Variants in LAMA2 observed in about 807,000 individuals in gnomAD.
LAMA2 encodes laminin subunit alpha 2, also known as laminin subunit alpha-2.
A neutral mutation model predicts 364.8 loss-of-function variants in LAMA2; 269 were observed. The observed-to-expected ratio is 0.74, with a 90% CI of 0.67 to 0.82. LAMA2 has a LOEUF of 0.82. LAMA2 is among the 40% of genes least tolerant of loss of function. The pLI is 0.00. For missense variants in LAMA2, 3,807 were observed against 3,873.2 expected, an observed-to-expected ratio of 0.98 and a Z score of 0.45; for synonymous variants, 1,379 against 1,370.6, an observed-to-expected ratio of 1.01 and a Z score of -0.14.
chr6:128,996,066 A>C (rs1783921219), intron 1 of LAMA2, among the ~76,000 whole-genome samples: 1 of 152,236 alleles, frequency 6.6e-6, no homozygotes, highest in South Asian at 2.1e-4. Context: ...GGAGGCAGAC[A>C]GTAACTAAAC....
Position 128,904,713 on chromosome 6 carries a change from T to C in LAMA2, c.112+21356T>C, listed in dbSNP as rs547077891. On this transcript the variant is annotated intron_variant, in intron 1 of 64. Transcript: ENST00000421865. The stretch of plus-strand genomic sequence containing the variant: ...ACCTTGTGATCTGCCTGCCTTGGCC[T>C]CCCAAAGTTCTGGGATTACAGGTGT... 2.4e-4 allele frequency among the ~76,000 whole-genome samples: 36 copies of C among 152,278 alleles called. No individual in the cohort carries two copies. The South Asian group carries it at 7.5e-3, about 32-fold the overall frequency.
Position 128,928,501 on chromosome 6 carries a change from T to C in LAMA2, c.112+45144T>C, listed in dbSNP as rs140731631. Among the ~76,000 whole-genome samples, 1,228 of 152,298 alleles carry C rather than the reference T, an allele frequency of 8.1e-3. 14 individuals carry two copies. The highest frequency in any genetic ancestry group is 0.027 in the African/African-American group (1,127 of 41,558). ...AATCCAAAGGTATGACAAAGACGACTCAGCTCTATGTTGCTTAAAGAACTT... is the reference window on the plus strand; with the variant it reads ...AATCCAAAGGTATGACAAAGACGACCCAGCTCTATGTTGCTTAAAGAACTT... On this transcript the variant is annotated intron_variant, in intron 1 of 64. Coordinates refer to ENST00000421865, the MANE Select transcript of LAMA2 (RefSeq NM_000426.4).
chr6:128,911,156 G>C (rs1777904852), intron 1 of LAMA2, among the ~76,000 whole-genome samples: 5 of 151,490 alleles, frequency 3.3e-5, no homozygotes, highest in South Asian at 2.1e-4. Flanking sequence ...GAGCTGTGGT[G>C]GGCTACACCC....
rs752992990 is a variant in LAMA2, at chr6:129,098,297, C to T, written c.521C>T (p.Thr174Met). 38 of 1,613,956 alleles carry T rather than the reference C, an allele frequency of 2.4e-5. No homozygotes were observed. Among genetic ancestry groups the T allele is most frequent in the East Asian group, 1.6e-4 (7 of 44,880 alleles). The change falls in exon 4 of 65, where the codon ACG (threonine) becomes ATG (methionine). Residue 174 changes from threonine (T) to methionine (M), a missense_variant. Coordinates refer to ENST00000421865, the MANE Select transcript of LAMA2 (RefSeq NM_000426.4). ...TGGCAGTATCATGCTGTGACAGACACGGAGTGCCTAACGCTTTACAATATT... is the reference window on the plus strand; with the variant it reads ...TGGCAGTATCATGCTGTGACAGACATGGAGTGCCTAACGCTTTACAATATT... ...KPWQYHAVTD[T>M]ECLTLYNIYP...
At chr6:129,164,228 CA>C (rs1380124008) in intron 8 of LAMA2, among the ~76,000 whole-genome samples, 1 of 152,178 alleles carries the variant, frequency 6.6e-6, no homozygotes, top group African/African-American at 2.4e-5. Context: ...AGTGTCTATA[CA>C]GCATAGATAT....
intron 28 of LAMA2, 80 bp from the exon 29 acceptor site, chr6:129,328,196 CTT>C (rs1775416426): frequency 3.2e-6 from 4 of 1,258,024 alleles, no homozygotes; most frequent in Non-Finnish European, 4.6e-6. Context: ...GCCAGTCTGT[CTT>C]TGCAGCCACT....
intron 40 of LAMA2, among the ~76,000 whole-genome samples, chr6:129,413,003 A>G (rs570711559): frequency 1.1e-4 from 16 of 152,346 alleles, no homozygotes; most frequent in African/African-American, 3.8e-4. Flanking sequence ...ACAGGTTACT[A>G]TGATTTTCAT....
At chr6:129,166,907 A>G (rs1779776135) in intron 9 of LAMA2, among the ~76,000 whole-genome samples, 2 of 152,188 alleles carry the variant, frequency 1.3e-5, no homozygotes, top group South Asian at 4.1e-4. Context: ...ACACATTATT[A>G]TATGGTCGTG....
chr6:128,955,101 G>A (rs1781063535), intron 1 of LAMA2, among the ~76,000 whole-genome samples: 1 of 151,688 alleles, frequency 6.6e-6, no homozygotes, highest in Admixed American at 6.6e-5. Flanking sequence ...CTATAAAGAG[G>A]AAAAATTCAA....
chr6:129,248,910 T>A (rs1309056418), intron 12 of LAMA2, among the ~76,000 whole-genome samples: 2 of 152,190 alleles, frequency 1.3e-5, no homozygotes, highest in Non-Finnish European at 2.9e-5. Flanking sequence ...AGATATTTAT[T>A]ATTTTATATG....
At chr6:129,260,563 C>G (rs1357458170) in intron 14 of LAMA2, 148 bp from the exon 15 acceptor site, 1 of 692,668 alleles carries the variant, frequency 1.4e-6, no homozygotes, top group African/African-American at 1.7e-5. Flanking sequence ...GACAAAGGAC[C>G]AGAGCTTTTG....
chr6:128,926,786 G>A (rs1582696011), intron 1 of LAMA2, among the ~76,000 whole-genome samples: 2 of 152,318 alleles, frequency 1.3e-5, no homozygotes, highest in East Asian at 1.9e-4. Flanking sequence ...AATATCTAAT[G>A]TAGTGTTAAA....
At chr6:129,476,415 G>A (rs1165368998) in intron 53 of LAMA2, among the ~76,000 whole-genome samples, 1 of 152,196 alleles carries the variant, frequency 6.6e-6, no homozygotes, top group East Asian at 1.9e-4. Context: ...GGAAATATAT[G>A]TTAATAAAAT....
At chr6:129,402,809 CAT>C (rs757303194) in intron 39 of LAMA2, among the ~76,000 whole-genome samples, 51 of 152,296 alleles carry the variant, frequency 3.3e-4, no homozygotes, top group Admixed American at 5.9e-4. Flanking sequence ...TTTTAAATAA[CAT>C]ATATGAAAAT....
chr6:129,022,730 A>G (rs1785519866), intron 1 of LAMA2, among the ~76,000 whole-genome samples: 1 of 152,210 alleles, frequency 6.6e-6, no homozygotes, highest in Non-Finnish European at 1.5e-5. Context: ...AACAATTTTC[A>G]TAGCTACAAA....
chr6:128,952,523 G>T (rs1780890865), intron 1 of LAMA2, among the ~76,000 whole-genome samples: 1 of 151,900 alleles, frequency 6.6e-6, no homozygotes, highest in African/African-American at 2.4e-5. Context: ...AAATGTTCTT[G>T]AATTCAAAAA....
chr6:129,404,319 A>C (rs1249097131), intron 40 of LAMA2, among the ~76,000 whole-genome samples: 1 of 152,156 alleles, frequency 6.6e-6, no homozygotes, highest in Admixed American at 6.6e-5. Context: ...GTATATAATC[A>C]CACACAAATT....
chr6:129,300,332 A>G (rs190638608), intron 21 of LAMA2, among the ~76,000 whole-genome samples: 1 of 152,318 alleles, frequency 6.6e-6, no homozygotes, highest in Admixed American at 6.5e-5. Context: ...GGGCTCATCA[A>G]GGAAAAACTA....
chr6:129,208,711 AAGGG>A (rs35390792), intron 12 of LAMA2, among the ~76,000 whole-genome samples: 9,543 of 124,792 alleles, frequency 0.076, 381 homozygotes, highest in African/African-American at 0.11. Flanking sequence ...AAGGAAGGAA[AAGGG>A]AGGGAGGGAG....
Sources: gnomAD v4.1 joint callset for allele counts (sites outside exome capture counted in the v4.1 genomes callset) on GRCh38, gnomAD v4.1.1 for gene constraint, MANE v1.5 for transcripts, NCBI Gene and HGNC (gene_info 2026-07-23, HGNC 2026-07-21) for gene names.